Variants in AKAP9 observed in about 807,000 individuals in gnomAD.
AKAP9 encodes A-kinase anchoring protein 9.
In AKAP9, 311 loss-of-function variants were observed where a neutral mutation model predicts 488.5. The ratio of observed to expected loss-of-function variants is 0.64; its 90% CI spans 0.58 to 0.70. The LOEUF (loss-of-function observed/expected upper bound fraction) is 0.70. Ranked by LOEUF, AKAP9 falls within the 30% of genes least tolerant of loss-of-function variation. AKAP9 has a pLI of 0.00. For synonymous variants in AKAP9, 1,462 were observed against 1,483.5 expected (o/e 0.99, Z 0.33); for missense variants, 4,215 against 4,374.5 (o/e 0.96, Z 1.03).
chr7:91,990,695 A>C (rs938651611), intron 3 of AKAP9, among the ~76,000 whole-genome samples: 2 of 152,168 alleles, frequency 1.3e-5, no homozygotes, highest in African/African-American at 4.8e-5. Flanking sequence ...GATTCATGTA[A>C]TACTGACAGT....
chr7:91,971,437 A>G (rs1257567166), intron 1 of AKAP9, among the ~76,000 whole-genome samples: 1 of 152,078 alleles, frequency 6.6e-6, no homozygotes, highest in Non-Finnish European at 1.5e-5. Context: ...TCTTGTTCAC[A>G]GAGTTCACAT....
Position 92,079,886 on chromosome 7 carries a change from A to G in AKAP9, c.7753A>G (p.Asn2585Asp), listed in dbSNP as rs1328501210. The change falls in exon 31 of 50, where the codon AAT (asparagine) becomes GAT (aspartate). Residue 2585 changes from asparagine to aspartate, a missense_variant. Around this residue, in one of 5 missense-constraint regions of AKAP9, gnomAD observed 1,476 missense variants for 1,477.4 expected, o/e 1.00. Coordinates refer to ENST00000356239, the MANE Select transcript of AKAP9 (RefSeq NM_005751.5). ...AATTTCATCAGAACCTGAAAGAACAAATATTCAGAATTTAAATCAACTAAG... is the reference window on the plus strand; with the variant it reads ...AATTTCATCAGAACCTGAAAGAACAGATATTCAGAATTTAAATCAACTAAG... ...QTISSEPERT[N>D]IQNLNQLRED... The G allele has an allele frequency of 1.2e-6, 2 of 1,614,018 alleles. No individual in the cohort carries two copies. The highest frequency in any genetic ancestry group is 8.5e-7 in the Non-Finnish European group (1 of 1,179,932).
At chr7:91,949,992 A>C (rs137864173) in intron 1 of AKAP9, among the ~76,000 whole-genome samples, 7 of 152,180 alleles carry the variant, frequency 4.6e-5, no homozygotes, top group African/African-American at 1.7e-4. Context: ...AAAGCCCCCA[A>C]GATTATTGTT....
intron 45 of AKAP9, 59 bp from the exon 46 acceptor site, chr7:92,102,535 T>C: frequency 6.8e-7 from 1 of 1,471,006 alleles, no homozygotes. Context: ...TATTTTCCCC[T>C]AGAGAGCAGG....
intron 37 of AKAP9, among the ~76,000 whole-genome samples, chr7:92,089,095 G>C (rs988554260): frequency 6.6e-6 from 1 of 151,930 alleles, no homozygotes; most frequent in Non-Finnish European, 1.5e-5. Flanking sequence ...ATTTGAATAG[G>C]CTCTGTATAT....
chr7:92,046,310 C>T (rs1806991644), intron 21 of AKAP9, among the ~76,000 whole-genome samples: 2 of 152,178 alleles, frequency 1.3e-5, no homozygotes, highest in Admixed American at 1.3e-4. Context: ...CAGTTCACTA[C>T]CATTCCACAC....
chr7:91,955,146 A>T lies in AKAP9; in HGVS notation c.48+13999A>T, dbSNP rs576512243. On this transcript the variant is annotated intron_variant, in intron 1 of 49. Transcript: ENST00000356239. ...TAATTCTAAGAGAAGAATCTAAGTG[A>T]CTGACCTTTCTTTCCTTATCAAACT... Among the ~76,000 whole-genome samples the T allele has an allele frequency of 2.0e-4, 31 of 152,286 alleles. No homozygotes were observed. The South Asian group carries it at 6.4e-3, about 32-fold the overall frequency.
At chr7:91,981,047 C>T (rs1796350559) in intron 3 of AKAP9, among the ~76,000 whole-genome samples, 1 of 152,024 alleles carries the variant, frequency 6.6e-6, no homozygotes, top group African/African-American at 2.4e-5. Context: ...TTGCTAATAG[C>T]AATAAAAACT....
Position 91,992,363 on chromosome 7 carries a change from A to G in AKAP9, c.405+152A>G, listed in dbSNP as rs1212930023. On this transcript the variant is annotated intron_variant, in intron 4 of 49. Transcript: ENST00000356239. ...ACTAAAACAAAGTTATCTACCATTTATTATAAAACTCAATTGTAGGCCAGG... is the reference window on the plus strand; with the variant it reads ...ACTAAAACAAAGTTATCTACCATTTGTTATAAAACTCAATTGTAGGCCAGG... 4.1e-6 allele frequency: 3 copies of G among 725,024 alleles called. No homozygotes were observed. In the East Asian group the frequency reaches 8.0e-5, roughly 19 times the overall value. 44.9% of individuals were successfully genotyped at this position (725,024 alleles called of 1,614,324 possible).
At chr7:92,011,224 C>T (rs1490857241) in intron 8 of AKAP9, among the ~76,000 whole-genome samples, 1 of 152,114 alleles carries the variant, frequency 6.6e-6, no homozygotes, top group Non-Finnish European at 1.5e-5. Context: ...ATCACTATTT[C>T]AACATTGCTT....
intron 20 of AKAP9, 120 bp downstream of exon 20, chr7:92,042,891 A>G (rs1215019598): frequency 1.4e-6 from 1 of 704,080 alleles, no homozygotes; most frequent in African/African-American, 1.8e-5. Context: ...TCATCATACC[A>G]TCTGTGTATG....
intron 12 of AKAP9, among the ~76,000 whole-genome samples, chr7:92,019,775 A>G (rs571379063): frequency 2.0e-5 from 3 of 152,148 alleles, no homozygotes; most frequent in Non-Finnish European, 4.4e-5. Context: ...TAGTTGGCCA[A>G]GGTGGGCCGA....
chr7:92,053,929 GTGGAT>G (rs573774022), intron 22 of AKAP9, among the ~76,000 whole-genome samples: 3 of 152,130 alleles, frequency 2.0e-5, no homozygotes, highest in Non-Finnish European at 4.4e-5. Context: ...CCACTAATCT[GTGGAT>G]TATTAGTACA....
At chr7:91,942,808 TG>T (rs1174155013) in intron 1 of AKAP9, among the ~76,000 whole-genome samples, 2 of 152,208 alleles carry the variant, frequency 1.3e-5, no homozygotes, top group African/African-American at 2.4e-5. Flanking sequence ...GGTAAAAACC[TG>T]TTTAAGGTGA....
intron 2 of AKAP9, 107 bp from the exon 3 acceptor site, chr7:91,980,182 T>G (rs1481130818): frequency 6.6e-6 from 4 of 603,188 alleles, no homozygotes; most frequent in Non-Finnish European, 8.7e-6. Flanking sequence ...TTTAGTGGTA[T>G]TTTATGTGAC....
At chr7:91,988,983 C>T (rs554501033) in intron 3 of AKAP9, among the ~76,000 whole-genome samples, 7 of 152,058 alleles carry the variant, frequency 4.6e-5, no homozygotes, top group Non-Finnish European at 8.8e-5. Flanking sequence ...TATTTGCATA[C>T]CTCACAAAGT....
intron 40 of AKAP9, 24 bp downstream of exon 40, chr7:92,095,197 T>A: frequency 1.9e-6 from 3 of 1,613,950 alleles, no homozygotes; most frequent in Non-Finnish European, 2.5e-6. Flanking sequence ...TGTCTTTAAA[T>A]GTCTGGAAAA....
chr7:92,051,443 A>G (rs1177819877), intron 21 of AKAP9, among the ~76,000 whole-genome samples: 1 of 152,236 alleles, frequency 6.6e-6, no homozygotes, highest in East Asian at 1.9e-4. Context: ...TTGGAGAATA[A>G]GGATACAAAG....
chr7:91,949,714 A>C (rs1015649006), intron 1 of AKAP9, among the ~76,000 whole-genome samples: 1 of 152,206 alleles, frequency 6.6e-6, no homozygotes, highest in Non-Finnish European at 1.5e-5. Context: ...AACAGTATTC[A>C]AAAGTGTTCA....
Sources: allele counts gnomAD v4.1 joint callset (sites outside exome capture counted in the v4.1 genomes callset), GRCh38; gene constraint gnomAD v4.1.1; regional missense constraint gnomAD v4.1.1; transcripts MANE v1.5; gene names NCBI Gene and HGNC (gene_info 2026-07-23, HGNC 2026-07-21).